MED13L: variants seen among roughly 807,000 people sequenced by gnomAD.
MED13L encodes the protein mediator complex subunit 13L, also known as mediator of RNA polymerase II transcription subunit 13-like.
Under a neutral mutation model 220.9 loss-of-function variants are expected in MED13L, and 7 were observed. The ratio of observed to expected loss-of-function variants is 0.03; its 90% CI spans 0.02 to 0.06. The LOEUF (loss-of-function observed/expected upper bound fraction) is 0.06, where lower values mean the gene tolerates loss of function less well. Ranked by LOEUF, MED13L falls within the 10% of genes least tolerant of loss-of-function variation. MED13L has a pLI of 1.00. For missense variants in MED13L, 1,965 were observed against 2,760.5 expected (o/e 0.71, Z 6.46); for synonymous variants, 1,011 against 1,015.2 (o/e 1.00, Z 0.08).
chr12:116,101,140 T>A (rs960122714), intron 3 of MED13L, among the ~76,000 whole-genome samples: 2 of 152,192 alleles, frequency 1.3e-5, no homozygotes, highest in Non-Finnish European at 2.9e-5. Flanking sequence ...TTGAATTCTA[T>A]TCATTCTTTC....
At chr12:116,031,643 G>GGGGACGGGAC (rs755149086) in intron 4 of MED13L, among the ~76,000 whole-genome samples, 3 of 102,238 alleles carry the variant, frequency 2.9e-5, no homozygotes, top group Non-Finnish European at 4.1e-5. Flanking sequence ...GGAGGGGAGG[G>GGGGACGGGAC]GGGACGGGAC....
chr12:116,165,870 AGG>A (rs1879227948), intron 2 of MED13L, among the ~76,000 whole-genome samples: 1 of 152,156 alleles, frequency 6.6e-6, no homozygotes, highest in Non-Finnish European at 1.5e-5. Context: ...ATCTGCCCTC[AGG>A]TGGGCCTCAT....
At chr12:115,984,733 ATCTCCT>A (rs976932276) in intron 19 of MED13L, among the ~76,000 whole-genome samples, 1 of 152,142 alleles carries the variant, frequency 6.6e-6, no homozygotes, top group African/African-American at 2.4e-5. Flanking sequence ...GCCCACTAAA[ATCTCCT>A]AAGTAATCCC....
At chr12:116,086,318 T>G (rs1421831547) in intron 4 of MED13L, among the ~76,000 whole-genome samples, 1 of 151,694 alleles carries the variant, frequency 6.6e-6, no homozygotes, top group Non-Finnish European at 1.5e-5. Flanking sequence ...AGTCTCATTC[T>G]TGTTGCCCAG....
At chr12:116,232,159 T>TA in intron 2 of MED13L, 10 of 984,606 alleles carry the variant, frequency 1.0e-5, no homozygotes, top group Non-Finnish European at 1.1e-5. Context: ...GCAGCACTCT[T>TA]AAAAATAGAA....
chr12:116,009,729 C>T (rs2137390517), intron 9 of MED13L, among the ~76,000 whole-genome samples: 1 of 152,280 alleles, frequency 6.6e-6, no homozygotes, highest in East Asian at 1.9e-4. Context: ...AACTTTGGAT[C>T]TTACAGACAC....
intron 2 of MED13L, among the ~76,000 whole-genome samples, chr12:116,141,950 C>A (rs1176707038): frequency 1.2e-4 from 18 of 152,094 alleles, no homozygotes; most frequent in Non-Finnish European, 2.2e-4. Flanking sequence ...CTTGCCCACA[C>A]CACTTGAGCC....
intron 2 of MED13L, among the ~76,000 whole-genome samples, chr12:116,189,028 T>C (rs1472730522): frequency 1.3e-5 from 2 of 152,220 alleles, no homozygotes; most frequent in Non-Finnish European, 2.9e-5. Context: ...ACATTACGTA[T>C]AGGTTTCTGC....
chr12:115,976,622 CATAT>C (rs1442243884), intron 23 of MED13L, among the ~76,000 whole-genome samples: 2 of 152,038 alleles, frequency 1.3e-5, no homozygotes, highest in Non-Finnish European at 2.9e-5. Context: ...CTTTTGAGTA[CATAT>C]ATAGTTTAAT....
chr12:116,088,065 G>A (rs1871868957), intron 4 of MED13L, among the ~76,000 whole-genome samples: 1 of 152,106 alleles, frequency 6.6e-6, no homozygotes, highest in African/African-American at 2.4e-5. Flanking sequence ...AATGCAGGAA[G>A]ATCCTGGGGG....
intron 4 of MED13L, among the ~76,000 whole-genome samples, chr12:116,089,767 A>T (rs1177414621): frequency 1.3e-5 from 2 of 152,202 alleles, no homozygotes; most frequent in Non-Finnish European, 2.9e-5. Context: ...TTTCCCTCAG[A>T]CAAGTCTGTT....
intron 13 of MED13L, among the ~76,000 whole-genome samples, chr12:116,003,419 T>G (rs1878867452): frequency 2.0e-5 from 3 of 152,004 alleles, no homozygotes; most frequent in African/African-American, 7.3e-5. Context: ...GTGCCTCCAG[T>G]AGTAACTGAC....
Position 116,250,203 on chromosome 12 carries a change from C to T in MED13L, c.73-12498G>A, listed in dbSNP as rs528128725. ...CATCTGAAAATATGCAGGCCAAAAA[C>T]AATGGAAAAATATGCTCAAAGAAAA... On this transcript the variant is annotated intron_variant, in intron 1 of 30. Transcript: ENST00000281928. Among the ~76,000 whole-genome samples, 4 of 151,668 alleles carry T rather than the reference C, an allele frequency of 2.6e-5. No individual in the cohort carries two copies. The East Asian group carries it at 7.8e-4, about 29-fold the overall frequency.
chr12:115,983,005 G>A (rs1877434696), intron 21 of MED13L, 112 bp downstream of exon 21: 2 of 1,187,812 alleles, frequency 1.7e-6, no homozygotes, highest in Middle Eastern at 2.6e-4. Context: ...AAGAGAAATA[G>A]AGCACTTCAT....
chr12:116,210,550 CCTAT>C (rs1565930010), intron 2 of MED13L, among the ~76,000 whole-genome samples: 1 of 60,386 alleles, frequency 1.7e-5, no homozygotes, highest in African/African-American at 8.1e-5. Flanking sequence ...CAGAACGTAA[CCTAT>C]ATATATATAT....
intron 2 of MED13L, among the ~76,000 whole-genome samples, chr12:116,236,601 T>G (rs1436600469): frequency 6.6e-6 from 1 of 151,706 alleles, no homozygotes; most frequent in African/African-American, 2.4e-5. Context: ...AGTTTGGAGA[T>G]AATAAAAGAT....
intron 2 of MED13L, among the ~76,000 whole-genome samples, chr12:116,115,521 G>C (rs931907637): frequency 6.6e-6 from 1 of 151,906 alleles, no homozygotes; most frequent in Non-Finnish European, 1.5e-5. Context: ...GAAGAACTTT[G>C]GCTCTTCAAA....
intron 2 of MED13L, among the ~76,000 whole-genome samples, chr12:116,161,578 C>G (rs909195167): frequency 6.6e-6 from 1 of 152,048 alleles, no homozygotes. Flanking sequence ...TAGAACAAGG[C>G]CTCTCCCCGT....
intron 2 of MED13L, among the ~76,000 whole-genome samples, chr12:116,172,356 A>C (rs1879742934): frequency 6.6e-6 from 1 of 152,190 alleles, no homozygotes; most frequent in Non-Finnish European, 1.5e-5. Context: ...GGTCACGTCA[A>C]ACTGCCACTG....
Sources: gnomAD v4.1 joint callset for allele counts (sites outside exome capture counted in the v4.1 genomes callset) on GRCh38, gnomAD v4.1.1 for gene constraint, MANE v1.5 for transcripts, NCBI Gene and HGNC (gene_info 2026-07-23, HGNC 2026-07-21) for gene names.